The following GPC5 variants were observed in gnomAD, a reference collection of about 807,000 sequenced individuals.
The protein encoded by GPC5 is glypican 5.
GPC5 carries 47 observed loss-of-function variants against 53.9 expected under a neutral mutation model. That is an observed-to-expected ratio of 0.87 (90% CI 0.69 to 1.11). The LOEUF (loss-of-function observed/expected upper bound fraction) is 1.11, where lower values mean the gene tolerates loss of function less well. GPC5 is among the 50% of genes most tolerant of loss of function. The pLI, the probability that GPC5 is intolerant of heterozygous loss-of-function variation, is 0.00. For missense variants in GPC5, 748 were observed against 713.1 expected, an observed-to-expected ratio of 1.05 and a Z score of -0.56; for synonymous variants, 286 against 263.3, an observed-to-expected ratio of 1.09 and a Z score of -0.84.
chr13:91,661,000 G>A (rs1214443169), intron 2 of GPC5, among the ~76,000 whole-genome samples: 2 of 152,062 alleles, frequency 1.3e-5, no homozygotes, highest in Non-Finnish European at 2.9e-5. Context: ...ATTCTTTTGA[G>A]AAAAAAATAT....
intron 7 of GPC5, among the ~76,000 whole-genome samples, chr13:92,521,656 C>T (rs1235030419): frequency 6.6e-6 from 1 of 152,080 alleles, no homozygotes; most frequent in Non-Finnish European, 1.5e-5. Context: ...AAATGTTAGA[C>T]CTAAAACCAT....
rs375628238 is a variant in GPC5, at chr13:92,700,927, C to A, written c.1562-165355C>A. 1.4e-4 allele frequency among the ~76,000 whole-genome samples: 22 copies of A among 152,146 alleles called. No homozygotes were observed. The East Asian group carries it at 1.5e-3, about 11-fold the overall frequency. ...TACATCTTCTTCAGGTTACAGGTAT[C>A]TTTCTTAGGGTTTCTTCTGGGTTTT... On this transcript the variant is annotated intron_variant, in intron 7 of 7. Coordinates refer to ENST00000377067, the MANE Select transcript of GPC5 (RefSeq NM_004466.6).
intron 7 of GPC5, among the ~76,000 whole-genome samples, chr13:92,446,046 A>G (rs936490603): frequency 2.6e-5 from 4 of 152,142 alleles, no homozygotes; most frequent in Non-Finnish European, 5.9e-5. Context: ...AATTACATCA[A>G]TGTAACTGGA....
At chr13:92,316,744 C>G (rs1351476365) in intron 7 of GPC5, among the ~76,000 whole-genome samples, 1 of 152,088 alleles carries the variant, frequency 6.6e-6, no homozygotes, top group South Asian at 2.1e-4. Context: ...ATATATGCAT[C>G]TGCATCAGAG....
chr13:92,163,681 A>C (rs537236002), intron 7 of GPC5, among the ~76,000 whole-genome samples: 1 of 152,224 alleles, frequency 6.6e-6, no homozygotes, highest in African/African-American at 2.4e-5. Context: ...CTTCAGCAAA[A>C]CTTGTTCAAG....
At chr13:91,607,378 A>G (rs978868736) in intron 2 of GPC5, among the ~76,000 whole-genome samples, 3 of 152,102 alleles carry the variant, frequency 2.0e-5, no homozygotes, top group Admixed American at 6.6e-5. Context: ...AAACTGAAGG[A>G]TTTACCCTTG....
chr13:92,682,062 T>C (rs1050085003), intron 7 of GPC5, among the ~76,000 whole-genome samples: 1 of 152,142 alleles, frequency 6.6e-6, no homozygotes, highest in African/African-American at 2.4e-5. Flanking sequence ...ATGCATAGCA[T>C]GCATCTATTT....
At chr13:91,472,898 AAATTC>A (rs1882713943) in intron 2 of GPC5, among the ~76,000 whole-genome samples, 1 of 152,170 alleles carries the variant, frequency 6.6e-6, no homozygotes, top group African/African-American at 2.4e-5. Flanking sequence ...TAGGTGCTGA[AAATTC>A]AGGGAATACA....
chr13:91,553,937 C>T (rs932155267), intron 2 of GPC5, among the ~76,000 whole-genome samples: 16 of 152,032 alleles, frequency 1.1e-4, no homozygotes, highest in South Asian at 2.1e-4. Flanking sequence ...TGTTATTTAT[C>T]GTTATAGGAG....
chr13:91,819,091 G>GATGTA (rs1256188227), intron 5 of GPC5, among the ~76,000 whole-genome samples: 58 of 146,842 alleles, frequency 3.9e-4, no homozygotes, highest in Admixed American at 1.6e-3. Flanking sequence ...TTTGCTGTCA[G>GATGTA]ATGTAAGCAA....
chr13:92,594,942 A>G (rs1019340790), intron 7 of GPC5, among the ~76,000 whole-genome samples: 3 of 152,224 alleles, frequency 2.0e-5, no homozygotes, highest in African/African-American at 7.2e-5. Flanking sequence ...AATGTAGCTA[A>G]GTAGGTGTTT....
At chr13:91,594,804 A>C (rs780408263) in intron 2 of GPC5, among the ~76,000 whole-genome samples, 2 of 151,704 alleles carry the variant, frequency 1.3e-5, no homozygotes, top group Non-Finnish European at 2.9e-5. Context: ...TCAGCCTCTC[A>C]AGAAGCTGGG....
At chr13:92,098,126 T>G (rs548119625) in intron 6 of GPC5, among the ~76,000 whole-genome samples, 1 of 152,238 alleles carries the variant, frequency 6.6e-6, no homozygotes, top group African/African-American at 2.4e-5. Flanking sequence ...AAGCCTAGTA[T>G]GCAATAGTTA....
At chr13:91,465,115 C>T (rs888302744) in intron 2 of GPC5, among the ~76,000 whole-genome samples, 1 of 152,062 alleles carries the variant, frequency 6.6e-6, no homozygotes, top group South Asian at 2.1e-4. Flanking sequence ...TGGTATTTTT[C>T]TTAACAATAT....
intron 6 of GPC5, among the ~76,000 whole-genome samples, chr13:92,026,045 G>A (rs531230083): frequency 6.6e-6 from 1 of 152,066 alleles, no homozygotes; most frequent in Non-Finnish European, 1.5e-5. Context: ...CAGCACTTCC[G>A]AGCAGGAGTA....
At chr13:91,430,911 G>C (rs1173951288) in intron 1 of GPC5, among the ~76,000 whole-genome samples, 2 of 152,140 alleles carry the variant, frequency 1.3e-5, no homozygotes, top group Non-Finnish European at 2.9e-5. Context: ...GTCTCGCTGT[G>C]TTACATAGGC....
At chr13:92,605,576 G>GTTTTTTTTT (rs55887927) in intron 7 of GPC5, among the ~76,000 whole-genome samples, 19 of 139,684 alleles carry the variant, frequency 1.4e-4, no homozygotes, top group African/African-American at 5.0e-4. Context: ...GTATTCACTA[G>GTTTTTTTTT]TTTTTTTTTT....
At chr13:91,700,670 A>G (rs1335988072) in intron 3 of GPC5, among the ~76,000 whole-genome samples, 1 of 152,186 alleles carries the variant, frequency 6.6e-6, no homozygotes, top group East Asian at 1.9e-4. Context: ...GAAGGCTATT[A>G]TTCTGTCACT....
At chr13:92,730,383 T>C (rs527585501) in intron 7 of GPC5, among the ~76,000 whole-genome samples, 1 of 151,590 alleles carries the variant, frequency 6.6e-6, no homozygotes, top group Admixed American at 6.6e-5. Flanking sequence ...ATTACTATGA[T>C]ACCACCTTAT....
Sources: allele counts gnomAD v4.1 joint callset (sites outside exome capture counted in the v4.1 genomes callset), GRCh38; gene constraint gnomAD v4.1.1; transcripts MANE v1.5; gene names NCBI Gene and HGNC (gene_info 2026-07-23, HGNC 2026-07-21).